NAALADL2: variants seen among roughly 807,000 people sequenced by gnomAD.
NAALADL2 encodes N-acetylated alpha-linked acidic dipeptidase like 2.
NAALADL2 carries 76 observed loss-of-function variants against 87.2 expected under a neutral mutation model. The observed-to-expected ratio is 0.87, with a 90% CI of 0.72 to 1.05. The LOEUF is 1.05. NAALADL2 is among the 50% of genes least tolerant of loss of function. The pLI is 0.00. For synonymous variants in NAALADL2, 354 were observed against 331.0 expected, an observed-to-expected ratio of 1.07 and a Z score of -0.75; for missense variants, 1,089 against 945.8, an observed-to-expected ratio of 1.15 and a Z score of -1.99.
At chr3:174,937,078 C>G (rs1332594750) in intron 1 of NAALADL2, among the ~76,000 whole-genome samples, 1 of 151,938 alleles carries the variant, frequency 6.6e-6, no homozygotes. Flanking sequence ...AACTACCTGC[C>G]CAAACATTTT....
intron 3 of NAALADL2, among the ~76,000 whole-genome samples, chr3:174,740,127 T>C (rs1481315377): frequency 6.6e-6 from 1 of 152,014 alleles, no homozygotes; most frequent in Non-Finnish European, 1.5e-5. Flanking sequence ...TGTTAAAACA[T>C]AATGCATGTG....
At chr3:174,925,022 C>T (rs1735787359) in intron 1 of NAALADL2, among the ~76,000 whole-genome samples, 1 of 152,070 alleles carries the variant, frequency 6.6e-6, no homozygotes. Flanking sequence ...CTGTAGGTTG[C>T]CTGCTCACTC....
chr3:174,946,667 GA>G (rs1739473223), intron 1 of NAALADL2, among the ~76,000 whole-genome samples: 1 of 152,084 alleles, frequency 6.6e-6, no homozygotes, highest in Non-Finnish European at 1.5e-5. Context: ...AAGGAAGATG[GA>G]AGTGTATTAT....
chr3:175,328,478 T>C (rs1403050312), intron 5 of NAALADL2, among the ~76,000 whole-genome samples: 2 of 152,140 alleles, frequency 1.3e-5, no homozygotes, highest in Non-Finnish European at 2.9e-5. Flanking sequence ...AGAGAGTGTT[T>C]CGTAGGGCAC....
intron 2 of NAALADL2, among the ~76,000 whole-genome samples, chr3:174,691,002 A>G (rs964472981): frequency 5.9e-5 from 9 of 152,156 alleles, no homozygotes; most frequent in Non-Finnish European, 1.2e-4. Flanking sequence ...TTTCCTTTCC[A>G]TGAATTTTCT....
At chr3:174,505,063 C>T (rs1405259836) in intron 1 of NAALADL2, among the ~76,000 whole-genome samples, 1 of 152,122 alleles carries the variant, frequency 6.6e-6, no homozygotes, top group Non-Finnish European at 1.5e-5. Flanking sequence ...TTAAAATATA[C>T]TGTAGATCAT....
At chr3:175,675,292 C>A (rs373492975) in intron 11 of NAALADL2, 19 of 152,310 alleles carry the variant, frequency 1.2e-4, no homozygotes, top group African/African-American at 4.6e-4. Context: ...ATGTAATTTG[C>A]TACATCATAT....
At chr3:174,899,651 G>A (rs567427333) in intron 1 of NAALADL2, among the ~76,000 whole-genome samples, 2 of 152,226 alleles carry the variant, frequency 1.3e-5, no homozygotes, top group South Asian at 2.1e-4. Context: ...GCATAACCGT[G>A]AGCCAATTCC....
intron 1 of NAALADL2, among the ~76,000 whole-genome samples, chr3:174,488,575 T>G (rs1054799560): frequency 6.6e-6 from 1 of 152,074 alleles, no homozygotes; most frequent in Non-Finnish European, 1.5e-5. Context: ...AACTCTCTTT[T>G]TAACCAAGAA....
At chr3:175,541,907 G>A (rs750863802) in intron 9 of NAALADL2, among the ~76,000 whole-genome samples, 11 of 152,268 alleles carry the variant, frequency 7.2e-5, no homozygotes, top group Non-Finnish European at 1.5e-4. Context: ...TTTTAGAAGA[G>A]ATGGGGTTTC....
intron 11 of NAALADL2, among the ~76,000 whole-genome samples, chr3:175,644,049 A>G (rs1203320274): frequency 6.6e-6 from 1 of 152,054 alleles, no homozygotes; most frequent in Non-Finnish European, 1.5e-5. Context: ...TCTGATTGCT[A>G]ATGAAGTTGA....
At chr3:175,556,373 T>G (rs562060411) in intron 9 of NAALADL2, among the ~76,000 whole-genome samples, 1 of 152,342 alleles carries the variant, frequency 6.6e-6, no homozygotes, top group African/African-American at 2.4e-5. Flanking sequence ...GTCAGATGAC[T>G]ATAATACCCA....
chr3:174,549,246 A>G (rs1002256366), intron 1 of NAALADL2, among the ~76,000 whole-genome samples: 2 of 152,240 alleles, frequency 1.3e-5, no homozygotes, highest in African/African-American at 2.4e-5. Flanking sequence ...AAGGTTTCCT[A>G]GTACTACAGA....
chr3:174,783,955 C>T (rs1208830602), intron 3 of NAALADL2, among the ~76,000 whole-genome samples: 1 of 152,112 alleles, frequency 6.6e-6, no homozygotes, highest in Non-Finnish European at 1.5e-5. Flanking sequence ...CAGTTTGTCT[C>T]ACTGGATATA....
intron 2 of NAALADL2, among the ~76,000 whole-genome samples, chr3:175,185,060 G>A (rs1737127767): frequency 6.6e-6 from 1 of 152,062 alleles, no homozygotes; most frequent in Non-Finnish European, 1.5e-5. Context: ...TGACTCTGGG[G>A]AGTGATGTTT....
chr3:175,565,303 C>T (rs367817423), intron 9 of NAALADL2, among the ~76,000 whole-genome samples: 62 of 152,232 alleles, frequency 4.1e-4, no homozygotes, highest in African/African-American at 1.4e-3. Context: ...ATATGATGTC[C>T]ATTTGTAAAT....
intron 2 of NAALADL2, among the ~76,000 whole-genome samples, chr3:174,675,920 C>G (rs938151951): frequency 1.3e-5 from 2 of 151,948 alleles, no homozygotes; most frequent in African/African-American, 4.8e-5. Context: ...GTAGATAGCT[C>G]TTTACGTTGT....
At chr3:175,617,293 G>T (rs2149688508) in intron 10 of NAALADL2, among the ~76,000 whole-genome samples, 2 of 152,268 alleles carry the variant, frequency 1.3e-5, no homozygotes, top group Middle Eastern at 6.8e-3. Flanking sequence ...GGGACTCCTG[G>T]ATGGTAATGG....
At chr3:175,148,086 ATAATG>A (rs1731016211) in intron 2 of NAALADL2, among the ~76,000 whole-genome samples, 1 of 16,854 alleles carries the variant, frequency 5.9e-5, no homozygotes, top group East Asian at 2.8e-3. Context: ...AATAATAATG[ATAATG>A]ATAATAATAA....
Sources: gnomAD v4.1 joint callset for allele counts (sites outside exome capture counted in the v4.1 genomes callset) on GRCh38, gnomAD v4.1.1 for gene constraint, MANE v1.5 for transcripts, NCBI Gene and HGNC (gene_info 2026-07-23, HGNC 2026-07-21) for gene names.